Variants in TMEM165 observed in about 807,000 individuals in gnomAD.
The protein encoded by TMEM165 is transmembrane protein 165, also known as putative divalent cation/proton antiporter TMEM165.
In TMEM165, 19 loss-of-function variants were observed where a neutral mutation model predicts 30.0. The ratio of observed to expected loss-of-function variants is 0.63; its 90% CI spans 0.44 to 0.93. The LOEUF is 0.93. Ranked by LOEUF, TMEM165 falls within the 40% of genes least tolerant of loss-of-function variation. The pLI is 0.00. For missense variants in TMEM165, 340 were observed against 417.0 expected (o/e 0.82, Z 1.61); for synonymous variants, 168 against 162.9 (o/e 1.03, Z -0.24).
In TMEM165 at chr4:55,417,035, C is replaced by G. The variant is rs1344849625; in HGVS notation, c.434-37C>G. 2.0e-6 allele frequency: 3 copies of G among 1,522,160 alleles called. No individual in the cohort carries two copies. In the Admixed American group the frequency reaches 6.4e-5, roughly 33 times the overall value. The allele number at this position is 1,522,160 out of a possible 1,614,324, so 94.3% of individuals were successfully genotyped here. On this transcript the variant is annotated intron_variant, in intron 2 of 5. Transcript: ENST00000381334. ...TAACTGTTCCCTTGGTCGTGATACA[C>G]ACTCGATTAACAAACATACTGTTGT...
chr4:55,406,535 A>G (rs934063840), intron 1 of TMEM165, among the ~76,000 whole-genome samples: 2 of 152,220 alleles, frequency 1.3e-5, no homozygotes, highest in African/African-American at 4.8e-5. Context: ...ACTTCAAAAT[A>G]TCTTAATGAT....
At chr4:55,433,376 A>G (rs1722651070) in intron 3 of TMEM165, 1 of 152,580 alleles carries the variant, frequency 6.6e-6, no homozygotes, top group Non-Finnish European at 1.5e-5. Context: ...TTCTTTTTCA[A>G]CATTAATGTT....
intron 3 of TMEM165, 66 bp from the exon 4 acceptor site, chr4:55,417,737 A>C: frequency 7.7e-7 from 1 of 1,295,644 alleles, no homozygotes; most frequent in Non-Finnish European, 1.1e-6. Context: ...AGAAAAGTCA[A>C]GTGATTTGTG....
chr4:55,411,833 T>G lies in TMEM165; in HGVS notation c.427T>G (p.Leu143Val). 1 of 1,614,166 alleles carries G rather than the reference T, an allele frequency of 6.2e-7. No individual in the cohort carries two copies. Among genetic ancestry groups the G allele is most frequent in the Non-Finnish European group, 8.5e-7 (1 of 1,179,986 alleles). The stretch of plus-strand genomic sequence containing the variant: ...GCTTGCCTTGGGACTAATGACATGC[T>G]TGTCAGGTGAGTGTGCTTTTCCCTC... ...AMLALGLMTC[L>V]SVLFGYATTV... Residue 143 changes from leucine (L) to valine (V), a missense_variant, in exon 2 of 6, where the codon TTG becomes GTG. By Grantham distance (32) the Leu-to-Val change is conservative. Around this residue, in one of 2 missense-constraint regions of TMEM165, gnomAD observed 220 missense variants for 307.6 expected, o/e 0.72. Transcript: ENST00000381334.
intron 5 of TMEM165, chr4:55,424,890 G>C (rs1357216523): frequency 2.2e-6 from 1 of 452,684 alleles, no homozygotes; most frequent in Non-Finnish European, 3.9e-6. Context: ...TATTATCTTA[G>C]TAAAACAATT....
chr4:55,443,745 T>C (rs1723560694), intron 3 of TMEM165: 2 of 1,614,150 alleles, frequency 1.2e-6, no homozygotes, highest in Non-Finnish European at 1.7e-6. Context: ...TGTGCCAATG[T>C]GTCCAGTATT....
chr4:55,422,507 C>T (rs1000661831), intron 4 of TMEM165, among the ~76,000 whole-genome samples: 10 of 152,188 alleles, frequency 6.6e-5, no homozygotes, highest in African/African-American at 2.2e-4. Context: ...ATCTGCCTGC[C>T]TCGGCCTCCC....
In TMEM165 at chr4:55,396,168, C is replaced by T. The variant is rs925640291; in HGVS notation, c.-22C>T. ...GGCACTTCCTCTTGCGGCGCCCGTG[C>T]GCGGCCGGCCCGGCAGGCGGGATGG... On this transcript the variant is annotated 5_prime_UTR_variant, in exon 1 of 6. Transcript: ENST00000381334. The T allele has an allele frequency of 2.2e-6, 3 of 1,347,302 alleles. No individual in the cohort carries two copies. The highest frequency in any genetic ancestry group is 1.9e-6 in the Non-Finnish European group (2 of 1,062,270). 83.5% of individuals were successfully genotyped at this position (1,347,302 alleles called of 1,614,324 possible). A position where few individuals can be genotyped will look rare whatever the true frequency, so the allele number is the denominator to read the frequency against.
intron 3 of TMEM165, chr4:55,448,855 T>A: frequency 6.2e-7 from 1 of 1,613,502 alleles, no homozygotes; most frequent in Non-Finnish European, 8.5e-7. Flanking sequence ...ACCAACAGAC[T>A]GGGAATTTAT....
At chr4:55,401,035 G>C (rs1487875344) in intron 1 of TMEM165, among the ~76,000 whole-genome samples, 2 of 150,526 alleles carry the variant, frequency 1.3e-5, no homozygotes, top group Non-Finnish European at 2.9e-5. Context: ...TTGTGCCACT[G>C]TGTGAGAGTG....
In TMEM165 at chr4:55,440,876, G is replaced by A. The variant is rs535525892; in HGVS notation, c.409-11363G>A. Among the ~76,000 whole-genome samples the A allele has an allele frequency of 7.9e-5, 12 of 152,232 alleles. No homozygotes were observed. The South Asian group carries it at 2.5e-3, about 32-fold the overall frequency. ...ACATCCAAAGCCAAGCTCAAGTCTTGAAGAGTCAGGGCAAGTATCTCTGCC... is the reference window on the plus strand; with the variant it reads ...ACATCCAAAGCCAAGCTCAAGTCTTAAAGAGTCAGGGCAAGTATCTCTGCC... On this transcript the variant is annotated intron_variant, in intron 3 of 3. Transcript: ENST00000608091.
At chr4:55,449,001 CTA>C (rs1724192175) in intron 3 of TMEM165, 2 of 728,032 alleles carry the variant, frequency 2.7e-6, no homozygotes, top group Non-Finnish European at 2.3e-6. Context: ...CTGAATACAG[CTA>C]TGTCTTCTCA....
At chr4:55,398,266 T>C (rs377409502) in intron 1 of TMEM165, among the ~76,000 whole-genome samples, 131 of 152,338 alleles carry the variant, frequency 8.6e-4, no homozygotes, top group African/African-American at 2.9e-3. Flanking sequence ...ACTAACTGCC[T>C]ATGAGGAGAT....
At chr4:55,446,644 TTC>T (rs1723874864) in intron 3 of TMEM165, among the ~76,000 whole-genome samples, 1 of 152,252 alleles carries the variant, frequency 6.6e-6, no homozygotes, top group South Asian at 2.1e-4. Flanking sequence ...TCAATCTTAT[TTC>T]TCTGTTTTAC....
At chr4:55,451,545 G>A (rs534718845) in intron 3 of TMEM165, among the ~76,000 whole-genome samples, 11 of 152,130 alleles carry the variant, frequency 7.2e-5, no homozygotes, top group Non-Finnish European at 1.5e-4. Context: ...GAAGGACCTC[G>A]TCCCTAAACC....
intron 1 of TMEM165, among the ~76,000 whole-genome samples, chr4:55,396,652 T>C (rs1395114513): frequency 2.0e-5 from 3 of 152,218 alleles, no homozygotes; most frequent in Non-Finnish European, 2.9e-5. Context: ...GCCAAGATGC[T>C]GCTCCGGGAT....
chr4:55,438,462 A>G, intron 3 of TMEM165: 3 of 1,613,886 alleles, frequency 1.9e-6, no homozygotes, highest in Non-Finnish European at 2.5e-6. Context: ...TAAGCATAGT[A>G]CTAGGTACCA....
chr4:55,403,492 C>CTTTTTT (rs71664292), intron 1 of TMEM165, among the ~76,000 whole-genome samples: 5 of 124,498 alleles, frequency 4.0e-5, no homozygotes, highest in African/African-American at 6.3e-5. Flanking sequence ...GTGCCTTTTT[C>CTTTTTT]TTTTTCTTTT....
At chr4:55,397,855 T>A (rs1720792639) in intron 1 of TMEM165, among the ~76,000 whole-genome samples, 1 of 152,008 alleles carries the variant, frequency 6.6e-6, no homozygotes, top group Non-Finnish European at 1.5e-5. Context: ...CACCTCAGCC[T>A]CCTGAGTGGC....
Sources: gnomAD v4.1 joint callset for allele counts (sites outside exome capture counted in the v4.1 genomes callset) on GRCh38, gnomAD v4.1.1 for gene constraint, gnomAD v4.1.1 regional missense constraint, MANE v1.5 for transcripts, NCBI Gene and HGNC (gene_info 2026-07-23, HGNC 2026-07-21) for gene names.